Variants in LLGL2 observed in about 807,000 individuals in gnomAD.
LLGL2 encodes the protein LLGL2, scribble cell polarity complex component.
Under a neutral mutation model 123.2 loss-of-function variants are expected in LLGL2, and 81 were observed. The observed-to-expected ratio is 0.66, with a 90% CI of 0.55 to 0.79. LLGL2 has a LOEUF of 0.79. LLGL2 is among the 30% of genes least tolerant of loss of function. The probability of loss-of-function intolerance (pLI) is 0.00; values close to 1 mark genes in which losing one functional copy is unlikely to be tolerated. For missense variants in LLGL2, 1,273 were observed against 1,414.6 expected (o/e 0.90, Z 1.61); for synonymous variants, 577 against 594.1 (o/e 0.97, Z 0.42).
chr17:75,569,155 A>G (rs1568070511), intron 13 of LLGL2, 24 bp downstream of exon 13: 2 of 1,612,944 alleles, frequency 1.2e-6, no homozygotes, highest in East Asian at 2.2e-5. Flanking sequence ...CCTGGGACCC[A>G]GGAAGGGCAG....
At chr17:75,552,770 C>T (rs2147302711) in intron 2 of LLGL2, among the ~76,000 whole-genome samples, 1 of 152,316 alleles carries the variant, frequency 6.6e-6, no homozygotes, top group South Asian at 2.1e-4. Context: ...TCCAGACATA[C>T]TTGAAGGGTT....
At position 75,549,894 on chromosome 17, in the gene LLGL2, G is replaced by A. The variant is rs931952303; in HGVS notation, c.76-6152G>A. ...AGGAGTCCCAGAGCCCAGGAGAGAC[G>A]GGCCTTCTCCCCTACTCCAGGCTAA... On this transcript the variant is annotated intron_variant, in intron 2 of 25. Coordinates refer to ENST00000392550, the MANE Select transcript of LLGL2 (RefSeq NM_001031803.2). This position sits in a 1 kb window ranked among gnomAD's most constrained non-coding sequence, Gnocchi z 4.0. Among the ~76,000 whole-genome samples, 4 of 152,230 alleles carry A rather than the reference G, an allele frequency of 2.6e-5. No homozygotes were observed. Among genetic ancestry groups the A allele is most frequent in the African/African-American group, 9.6e-5 (4 of 41,462 alleles).
rs372768169 is a variant in LLGL2 at position 75,572,080 on chromosome 17, C to T, written c.2460+16C>T. On this transcript the variant is annotated intron_variant, in intron 19 of 25. Transcript: ENST00000392550. ...GCAGTTCAAGGTGCCACACGGGCAG[C>T]GGCGGGTCTCCCTGGGACTCCCCGG... 22 of 1,603,598 alleles carry T rather than the reference C, an allele frequency of 1.4e-5. No homozygotes were observed. The highest frequency in any genetic ancestry group is 1.2e-4 in the African/African-American group (9 of 74,850).
At position 75,575,138 on chromosome 17, in the gene LLGL2, C is replaced by G. The variant is rs988562464; in HGVS notation, c.*260C>G. ...TGCTCCCATCCCTTTTTGTAGTGGGCTGGGTTTTAAGTTATAAATGTTAAC... is the reference window on the plus strand; with the variant it reads ...TGCTCCCATCCCTTTTTGTAGTGGGGTGGGTTTTAAGTTATAAATGTTAAC... On this transcript the variant is annotated 3_prime_UTR_variant, in exon 26 of 26. Transcript: ENST00000392550. The G allele has an allele frequency of 5.1e-6, 3 of 586,570 alleles. No homozygotes were observed. The highest frequency in any genetic ancestry group is 2.8e-5 in the East Asian group (1 of 35,856). The allele number at this position is 586,570 out of a possible 1,614,324, so 36.3% of individuals were successfully genotyped here.
rs556724886 is a variant in LLGL2, at chr17:75,550,677, C to T, written c.76-5369C>T. Among the ~76,000 whole-genome samples, 8 of 149,696 alleles carry T rather than the reference C, an allele frequency of 5.3e-5. No homozygotes were observed. In the South Asian group the frequency reaches 6.4e-4, roughly 12 times the overall value. On this transcript the variant is annotated intron_variant, in intron 2 of 25. Coordinates refer to ENST00000392550, the MANE Select transcript of LLGL2 (RefSeq NM_001031803.2). Reference sequence around the variant, plus strand: ...GCGCATGCCTGTAGTTCTAGCTACTCGGGAGACTCAGGTGGATCACTTGAG... The same window carrying T: ...GCGCATGCCTGTAGTTCTAGCTACTTGGGAGACTCAGGTGGATCACTTGAG...
intron 10 of LLGL2, among the ~76,000 whole-genome samples, chr17:75,565,685 C>T (rs970574772): frequency 2.0e-5 from 3 of 152,224 alleles, no homozygotes; most frequent in Admixed American, 2.0e-4. Context: ...CTTTCTAGGA[C>T]AGGCCACCTT....
intron 2 of LLGL2, among the ~76,000 whole-genome samples, chr17:75,551,780 A>G (rs574286670): frequency 6.6e-6 from 1 of 152,256 alleles, no homozygotes; most frequent in Non-Finnish European, 1.5e-5. Flanking sequence ...TATGTGATTT[A>G]AAATTTCCTA....
At chr17:75,540,895 C>T (rs2054181395) in intron 1 of LLGL2, among the ~76,000 whole-genome samples, 1 of 152,196 alleles carries the variant, frequency 6.6e-6, no homozygotes, top group East Asian at 1.9e-4. Context: ...CATTCAGCGA[C>T]CCATGACTGT....
chr17:75,535,566 G>T (rs1220885795), intron 1 of LLGL2, among the ~76,000 whole-genome samples: 1 of 152,266 alleles, frequency 6.6e-6, no homozygotes, highest in African/African-American at 2.4e-5. Flanking sequence ...CCAAGCCTTG[G>T]TCTCACAGGG....
chr17:75,573,926 G>A (rs2055850980), intron 21 of LLGL2, 26 bp from the exon 22 acceptor site: 2 of 1,550,436 alleles, frequency 1.3e-6, no homozygotes, highest in South Asian at 2.4e-5. Context: ...CGGGGGCCCT[G>A]GTCCTCACTG....
intron 1 of LLGL2, among the ~76,000 whole-genome samples, chr17:75,537,850 C>A (rs1213768776): frequency 6.9e-6 from 1 of 145,550 alleles, no homozygotes; most frequent in African/African-American, 2.6e-5. Flanking sequence ...TCTCTGTTGC[C>A]CCGGCTGTAT....
At chr17:75,571,588 C>A in intron 17 of LLGL2, 79 bp from the exon 18 acceptor site, 1 of 1,065,734 alleles carries the variant, frequency 9.4e-7, no homozygotes, top group Non-Finnish European at 1.4e-6. Flanking sequence ...GAGGGAAAAC[C>A]TGGGAGTAAA....
Position 75,559,293 on chromosome 17 carries a change from A to G in LLGL2, c.413A>G (p.His138Arg). 6.8e-6 allele frequency: 11 copies of G among 1,612,956 alleles called. No individual in the cohort carries two copies. The highest frequency in any genetic ancestry group is 1.1e-5 in the South Asian group (1 of 91,028). ...SATQITVVLP[H>R]SSCELLYLGT... ...ACACAGATCACCGTGGTCCTGCCAC[A>G]TTCCTCCTGCGAGCTGCTCTACCTG... The change falls in exon 6 of 26, where the codon CAT becomes CGT. Residue 138 changes from histidine (H) to arginine (R), a missense_variant. Coordinates refer to ENST00000392550, the MANE Select transcript of LLGL2 (RefSeq NM_001031803.2). This position sits in a 1 kb window ranked among gnomAD's most constrained non-coding sequence, Gnocchi z 4.6.
At chr17:75,526,407 A>T (rs2053574511) in intron 1 of LLGL2, among the ~76,000 whole-genome samples, 2 of 152,142 alleles carry the variant, frequency 1.3e-5, no homozygotes, top group South Asian at 4.1e-4. Flanking sequence ...CAGTGCGGAG[A>T]CCCAGTCTGC....
At position 75,569,243 on chromosome 17, in the gene LLGL2, G is replaced by A. The variant is rs1309295134; in HGVS notation, c.1499G>A (p.Ser500Asn). ...LRKVGSFDPY[S>N]DDPRLGIQKI... Reference sequence around the variant, plus strand: ...CAGGTGGGCTCCTTTGACCCCTACAGTGATGACCCCCGGCTGGGCATCCAG... The same window carrying A: ...CAGGTGGGCTCCTTTGACCCCTACAATGATGACCCCCGGCTGGGCATCCAG... The change falls in exon 14 of 26, where the codon AGT becomes AAT. Residue 500 changes from serine (S) to asparagine (N), a missense_variant. Coordinates refer to ENST00000392550, the MANE Select transcript of LLGL2 (RefSeq NM_001031803.2). The A allele has an allele frequency of 6.2e-7, 1 of 1,613,632 alleles. No individual in the cohort carries two copies. Among genetic ancestry groups the A allele is most frequent in the Admixed American group, 1.7e-5 (1 of 60,022 alleles).
rs1186006917 is a variant in LLGL2, at chr17:75,569,275, T to C, written c.1531T>C (p.Phe511Leu). Reference sequence around the variant, plus strand: ...CCCCCGGCTGGGCATCCAGAAGATCTTCCTCTGCAAGTACAGCGGCTACCT... The same window carrying C: ...CCCCCGGCTGGGCATCCAGAAGATCCTCCTCTGCAAGTACAGCGGCTACCT... Reference protein sequence around the residue: ...DDPRLGIQKIFLCKYSGYLAV... With the variant: ...DDPRLGIQKILLCKYSGYLAV... The change falls in exon 14 of 26, where the codon TTC becomes CTC. Residue 511 changes from phenylalanine to leucine, a missense_variant. Physicochemically the swap from Phe to Leu is conservative, Grantham distance 22. Coordinates refer to ENST00000392550, the MANE Select transcript of LLGL2 (RefSeq NM_001031803.2). 1.9e-6 allele frequency: 3 copies of C among 1,613,496 alleles called. No individual in the cohort carries two copies. The highest frequency in any genetic ancestry group is 4.5e-5 in the East Asian group (2 of 44,876).
At chr17:75,571,128 CA>C in intron 17 of LLGL2, 28 bp downstream of exon 17, 1 of 1,523,222 alleles carries the variant, frequency 6.6e-7, no homozygotes, top group Non-Finnish European at 9.0e-7. Flanking sequence ...GGTTGGGGGG[CA>C]GGGGGTAGTG....
At chr17:75,562,921 C>A in intron 6 of LLGL2, 95 bp from the exon 7 acceptor site, 1 of 1,454,164 alleles carries the variant, frequency 6.9e-7, no homozygotes, top group Non-Finnish European at 9.4e-7. Flanking sequence ...CATGGAGCAG[C>A]CACCTCTGCA....
chr17:75,531,783 G>T (rs1005344818), intron 1 of LLGL2, among the ~76,000 whole-genome samples: 8 of 152,162 alleles, frequency 5.3e-5, no homozygotes, highest in African/African-American at 1.9e-4. Flanking sequence ...CTTTGGGGTG[G>T]CCTTCCCCAC....
Sources: allele counts gnomAD v4.1 joint callset (sites outside exome capture counted in the v4.1 genomes callset), GRCh38; gene constraint gnomAD v4.1.1; non-coding constraint Gnocchi (gnomAD v3.1); transcripts MANE v1.5; gene names NCBI Gene and HGNC (gene_info 2026-07-23, HGNC 2026-07-21).